The following SERAC1 variants were observed in gnomAD, a reference collection of about 807,000 sequenced individuals.
The protein encoded by SERAC1 is serine active site containing 1, also known as protein SERAC1.
Under a neutral mutation model 85.7 loss-of-function variants are expected in SERAC1, and 36 were observed. The observed-to-expected ratio is 0.42, with a 90% CI of 0.32 to 0.55. SERAC1 has a LOEUF of 0.55. SERAC1 is among the 20% of genes least tolerant of loss of function. The pLI, the probability that SERAC1 is intolerant of heterozygous loss-of-function variation, is 0.11. For missense variants in SERAC1, 629 were observed against 796.2 expected, an observed-to-expected ratio of 0.79 and a Z score of 2.53; for synonymous variants, 242 against 265.3, an observed-to-expected ratio of 0.91 and a Z score of 0.85.
chr6:158,153,960 G>A (rs145215305), intron 3 of SERAC1, among the ~76,000 whole-genome samples: 131 of 151,466 alleles, frequency 8.6e-4, no homozygotes, highest in African/African-American at 2.4e-3. Flanking sequence ...GCAAGACCCC[G>A]TCTCTACTAA....
At position 158,128,201 on chromosome 6, in the gene SERAC1, G is replaced by C. The variant is rs146738735; in HGVS notation, c.922C>G (p.His308Asp). 17 of 1,614,150 alleles carry C rather than the reference G, an allele frequency of 1.1e-5. No individual in the cohort carries two copies. The highest frequency in any genetic ancestry group is 1.4e-5 in the Non-Finnish European group (17 of 1,179,990). Residue 308 changes from histidine (H) to aspartate (D), a missense_variant, in exon 10 of 17, where the codon CAC (histidine) becomes GAC (aspartate). By Grantham distance (81) the His-to-Asp change is moderately conservative. Coordinates refer to ENST00000647468, the MANE Select transcript of SERAC1 (RefSeq NM_032861.4). ...CTCTGTACTTTAGGGCAGTCCTTGT[G>C]AAGTCGGTACAGCCTCTGAAGTAGC... ...LQLLQRLYRL[H>D]KDCPKVQRNI...
At chr6:158,115,797 T>C (rs1276122253) in intron 14 of SERAC1, among the ~76,000 whole-genome samples, 4 of 151,986 alleles carry the variant, frequency 2.6e-5, no homozygotes, top group South Asian at 4.2e-4. Flanking sequence ...AAAGCGACCA[T>C]AGACTGCAAT....
rs374221414 is a variant in SERAC1 at position 158,120,396 on chromosome 6, G to C, written c.1166+29C>G. On this transcript the variant is annotated intron_variant, in intron 11 of 16. Transcript: ENST00000647468. This position sits in a 1 kb window ranked among gnomAD's most constrained non-coding sequence, Gnocchi z 4.4. ...CTCTAGGCTTCACATTTCCAAAGGGGACAAAGCAACTCTCTTCTGCTTCCT... is the reference window on the plus strand; with the variant it reads ...CTCTAGGCTTCACATTTCCAAAGGGCACAAAGCAACTCTCTTCTGCTTCCT... 6.3e-7 allele frequency: 1 copy of C among 1,592,774 alleles called. No individual in the cohort carries two copies. The highest frequency in any genetic ancestry group is 1.7e-5 in the Admixed American group (1 of 58,194).
chr6:158,111,418 T>A lies in SERAC1; in HGVS notation c.1913A>T (p.Gln638Leu). Residue 638 changes from glutamine (Q) to leucine (L), a missense_variant, in exon 17 of 17, where the codon CAG (glutamine) becomes CTG (leucine). Physicochemically the swap from Gln to Leu is moderately radical, Grantham distance 113 (BLOSUM62 -2). Transcript: ENST00000647468. ...KPKKKDAFLY[Q>L]RTLQFIREAL... ...TTCACGAATGAATTGTAAAGTACGC[T>A]GGTACAAAAAAGCATCCTTTTTCTT... 6.2e-7 allele frequency: 1 copy of A among 1,611,428 alleles called. No homozygotes were observed. The highest frequency in any genetic ancestry group is 8.5e-7 in the Non-Finnish European group (1 of 1,179,260).
chr6:158,167,807 A>C (rs988427460), intron 1 of SERAC1, among the ~76,000 whole-genome samples: 3 of 152,034 alleles, frequency 2.0e-5, no homozygotes, highest in African/African-American at 4.8e-5. Context: ...GTGGTCTGCA[A>C]GGCTCAGAAG....
intron 14 of SERAC1, 118 bp downstream of exon 14, chr6:158,116,067 A>AG (rs748715923): frequency 1.1e-4 from 81 of 728,596 alleles, no homozygotes; most frequent in Middle Eastern, 4.9e-4. Flanking sequence ...TTAATTTAGC[A>AG]GGGGGGGTAA....
intron 3 of SERAC1, chr6:158,152,937 A>G (rs1785241368): frequency 6.6e-6 from 1 of 152,208 alleles, no homozygotes; most frequent in South Asian, 2.1e-4. Context: ...CATTATTGAC[A>G]CATGACTGTA....
rs1001293662 is a variant in SERAC1 at position 158,120,990 on chromosome 6, C to T, written c.1016-415G>A. On this transcript the variant is annotated intron_variant, in intron 10 of 16. Coordinates refer to ENST00000647468, the MANE Select transcript of SERAC1 (RefSeq NM_032861.4). The surrounding 1 kb of genome is among the most constrained non-coding windows in gnomAD (Gnocchi z 4.4). ...TGACCAGCAATCAGTAATACCCTTT[C>T]ATACAAATGAAGAAACTATTTCTTA... Among the ~76,000 whole-genome samples the T allele has an allele frequency of 3.9e-5, 6 of 152,292 alleles. No homozygotes were observed. In the South Asian group the frequency reaches 1.2e-3, roughly 32 times the overall value.
At chr6:158,140,291 C>G (rs998804270) in intron 8 of SERAC1, among the ~76,000 whole-genome samples, 15 of 152,154 alleles carry the variant, frequency 9.9e-5, no homozygotes, top group African/African-American at 3.6e-4. Flanking sequence ...CCTACTCAAC[C>G]TCTAGGGAGG....
chr6:158,126,623 G>GAA (rs1784545412), intron 10 of SERAC1, among the ~76,000 whole-genome samples: 1 of 152,116 alleles, frequency 6.6e-6, no homozygotes. Context: ...GATCGGGCAG[G>GAA]AACTGTCAGA....
chr6:158,117,774 C>T lies in SERAC1; in HGVS notation c.1356G>A (p.Glu452=), dbSNP rs1439008110. 6.2e-7 allele frequency: 1 copy of T among 1,614,196 alleles called. No individual in the cohort carries two copies. Among genetic ancestry groups the T allele is most frequent in the Non-Finnish European group, 8.5e-7 (1 of 1,180,018 alleles). ...DCPALRIISV[E]YDTSLSDWRA... The stretch of plus-strand genomic sequence containing the variant: ...TCCAGTCGCTGAGGCTGGTGTCATA[C>T]TCCACAGATATAATTCGGAGAGCAG... The change falls in exon 13 of 17, where the codon GAG becomes GAA. Residue 452 remains glutamate (E), a synonymous_variant. Coordinates refer to ENST00000647468, the MANE Select transcript of SERAC1 (RefSeq NM_032861.4). This position sits in a 1 kb window ranked among gnomAD's most constrained non-coding sequence, Gnocchi z 4.3.
Position 158,144,397 on chromosome 6 carries a change from G to A in SERAC1, c.511C>T (p.Gln171Ter). The change falls in exon 7 of 17, where the codon CAA (glutamine) becomes TAA (stop). Residue 171 changes from glutamine (Q) to a stop codon, truncating the protein, a stop_gained. Coordinates refer to ENST00000647468, the MANE Select transcript of SERAC1 (RefSeq NM_032861.4). LOFTEE classifies it high-confidence loss of function. ...WHDYQYRIIA[Q>*]ACDPKTLIGL... is the part of the protein sequence containing the mutation. Reference sequence around the variant, plus strand: ...ATAAGAGTTTTCGGATCACAGGCTTGAGCAATTATCCTATACTGGTAATCT... The same window carrying A: ...ATAAGAGTTTTCGGATCACAGGCTTAAGCAATTATCCTATACTGGTAATCT... The A allele has an allele frequency of 4.3e-6, 7 of 1,612,280 alleles. No individual in the cohort carries two copies. The highest frequency in any genetic ancestry group is 5.9e-6 in the Non-Finnish European group (7 of 1,178,988).
chr6:158,164,292 G>A lies in SERAC1; in HGVS notation c.-2+3848C>T, dbSNP rs530074336. Among the ~76,000 whole-genome samples, 18 of 151,852 alleles carry A rather than the reference G, an allele frequency of 1.2e-4. No individual in the cohort carries two copies. In the East Asian group the frequency reaches 1.4e-3, roughly 12 times the overall value. ...AGATCGAGACCAGCCTGGATAACCC[G>A]GTGAAACCCCATCTCTACTAAAAAT... On this transcript the variant is annotated intron_variant, in intron 1 of 16. Coordinates refer to ENST00000647468, the MANE Select transcript of SERAC1 (RefSeq NM_032861.4).
At chr6:158,112,096 A>C (rs1408660083) in intron 16 of SERAC1, 3 of 152,440 alleles carry the variant, frequency 2.0e-5, no homozygotes, top group Non-Finnish European at 4.4e-5. Flanking sequence ...ATGCCACTCC[A>C]AGCAGCTGGT....
chr6:158,130,589 A>G (rs1246873023), intron 8 of SERAC1, 103 bp from the exon 9 acceptor site: 1 of 673,620 alleles, frequency 1.5e-6, no homozygotes, highest in Non-Finnish European at 2.5e-6. Flanking sequence ...GTTAGAAAAT[A>G]CTAATGTGTA....
In SERAC1 at chr6:158,116,272, C is replaced by T. The variant is rs760782800; in HGVS notation, c.1414G>A (p.Ala472Thr). The T allele has an allele frequency of 7.6e-5, 122 of 1,613,824 alleles. No individual in the cohort carries two copies. The highest frequency in any genetic ancestry group is 1.0e-4 in the Non-Finnish European group (121 of 1,179,866). ...CTAAGAAGTTCGTTGCTTCTGAATGCAATGGACTTTCTGAACAAAACAAAA... is the reference window on the plus strand; with the variant it reads ...CTAAGAAGTTCGTTGCTTCTGAATGTAATGGACTTTCTGAACAAAACAAAA... The part of the protein sequence containing the change: ...ARCPMERKSI[A>T]FRSNELLRKL... Residue 472 changes from alanine (A) to threonine (T), a missense_variant, in exon 14 of 17, where the codon GCA (alanine) becomes ACA (threonine). Transcript: ENST00000647468.
At chr6:158,151,038 C>A (rs1373895772) in intron 3 of SERAC1, 1 of 154,618 alleles carries the variant, frequency 6.5e-6, no homozygotes, top group African/African-American at 2.4e-5. Flanking sequence ...CTTCTACCTA[C>A]CTGTAAAATG....
rs571593999 is a variant in SERAC1 at position 158,115,118 on chromosome 6, G to C, written c.1502-147C>G. ...GGTTTAAACAATTCTCTGTACAGTAGTATAAGAAATAAGGCCTTAAAACAC... is the reference window on the plus strand; with the variant it reads ...GGTTTAAACAATTCTCTGTACAGTACTATAAGAAATAAGGCCTTAAAACAC... On this transcript the variant is annotated intron_variant, in intron 14 of 16. Coordinates refer to ENST00000647468, the MANE Select transcript of SERAC1 (RefSeq NM_032861.4). 95 of 808,430 alleles carry C rather than the reference G, an allele frequency of 1.2e-4. No individual in the cohort carries two copies. The African/African-American group carries it at 1.6e-3, about 14-fold the overall frequency. 50.1% of individuals were successfully genotyped at this position (808,430 alleles called of 1,614,324 possible).
intron 3 of SERAC1, among the ~76,000 whole-genome samples, chr6:158,153,000 G>A (rs1362538076): frequency 6.6e-6 from 1 of 152,108 alleles, no homozygotes; most frequent in Non-Finnish European, 1.5e-5. Flanking sequence ...ATAAATAGCT[G>A]CATAATCATA....
Sources: gnomAD v4.1 joint callset for allele counts (sites outside exome capture counted in the v4.1 genomes callset) on GRCh38, gnomAD v4.1.1 for gene constraint, Gnocchi (gnomAD v3.1) non-coding constraint, MANE v1.5 for transcripts, NCBI Gene and HGNC (gene_info 2026-07-23, HGNC 2026-07-21) for gene names.